The following DLG4 variants were observed in gnomAD, a reference collection of about 807,000 sequenced individuals.
DLG4 encodes disks large homolog 4.
DLG4 carries 7 observed loss-of-function variants against 93.8 expected under a neutral mutation model. That is an observed-to-expected ratio of 0.07 (90% confidence interval 0.04 to 0.14). The LOEUF is 0.14. Among genes scored for constraint, DLG4 ranks in the 10% least tolerant of loss-of-function variants. The probability of loss-of-function intolerance (pLI) is 1.00; values close to 1 mark genes in which losing one functional copy is unlikely to be tolerated. For synonymous variants in DLG4, 341 were observed against 387.6 expected (o/e 0.88, Z 1.41); for missense variants, 545 against 992.9 (o/e 0.55, Z 6.06).
intron 2 of DLG4, chr17:7,204,998 C>T: frequency 2.0e-6 from 2 of 985,670 alleles, no homozygotes; most frequent in Non-Finnish European, 2.4e-6. Flanking sequence ...TGGCCTGGGG[C>T]CGACCAAACT....
chr17:7,206,581 T>C (rs1268076779), intron 2 of DLG4, among the ~76,000 whole-genome samples: 1 of 151,990 alleles, frequency 6.6e-6, no homozygotes, highest in Non-Finnish European at 1.5e-5. Context: ...ACAAAGCATC[T>C]CTAGTCTTCT....
chr17:7,219,391 G>C (rs2071078680), upstream of DLG4: 4 of 1,013,100 alleles, frequency 3.9e-6, no homozygotes, highest in Non-Finnish European at 3.5e-6. Context: ...CAGTGAATCT[G>C]GGGGGGTCTT....
chr17:7,193,421 T>C lies in DLG4; in HGVS notation c.1693+62A>G. 1 of 1,451,194 alleles carries C rather than the reference T, an allele frequency of 6.9e-7. No homozygotes were observed. The highest frequency in any genetic ancestry group is 9.2e-7 in the Non-Finnish European group (1 of 1,087,698). 89.9% of individuals were successfully genotyped at this position (1,451,194 alleles called of 1,614,324 possible). On this transcript the variant is annotated intron_variant, in intron 16 of 19. Coordinates refer to ENST00000399506, the MANE Select transcript of DLG4 (RefSeq NM_001321075.3). This position sits in a 1 kb window ranked among gnomAD's most constrained non-coding sequence, Gnocchi z 6.7. The stretch of plus-strand genomic sequence containing the variant: ...GAGGCTCTGCCTATGGCCCCAGGGA[T>C]GGGCCTCCCCTGCCCCACCCCCACT...
rs994207461 is a variant in DLG4, at chr17:7,203,842, A to G, written c.211-26T>C. 3.7e-6 allele frequency: 6 copies of G among 1,612,160 alleles called. No homozygotes were observed. Among genetic ancestry groups the G allele is most frequent in the Non-Finnish European group, 5.1e-6 (6 of 1,179,260 alleles). ...CTGGGTGAAGGAGGGGAAGAGGGTC[A>G]GCTCCCCTCACTGCCCAAGTCTGGC... On this transcript the variant is annotated intron_variant, in intron 4 of 19. Coordinates refer to ENST00000399506, the MANE Select transcript of DLG4 (RefSeq NM_001321075.3). The surrounding 1 kb of genome is among the most constrained non-coding windows in gnomAD (Gnocchi z 7.2).
chr17:7,214,524 C>T (rs2070828772), intron 1 of DLG4, among the ~76,000 whole-genome samples: 1 of 152,202 alleles, frequency 6.6e-6, no homozygotes, highest in Non-Finnish European at 1.5e-5. Flanking sequence ...GTCGGCCACA[C>T]TGCCCCGCCC....
upstream of DLG4, chr17:7,219,451 T>C: frequency 9.7e-7 from 1 of 1,027,392 alleles, no homozygotes; most frequent in Non-Finnish European, 1.2e-6. Context: ...GGCCTACATC[T>C]CAGAAGAATA....
Position 7,195,287 on chromosome 17 carries a change from A to T in DLG4, c.1302-792T>A, listed in dbSNP as rs1032432066. ...GGGAGGAGACCCCGGGCCCCCTGGA[A>T]GTGTGACAACCAGATGACATTCCGC... is the stretch of plus-strand genomic sequence containing the variant. On this transcript the variant is annotated intron_variant, in intron 11 of 19. Transcript: ENST00000399506. This position sits in a 1 kb window ranked among gnomAD's most constrained non-coding sequence, Gnocchi z 4.3. Among the ~76,000 whole-genome samples, 1 of 152,140 alleles carries T rather than the reference A, an allele frequency of 6.6e-6. No individual in the cohort carries two copies. The highest frequency in any genetic ancestry group is 1.5e-5 in the Non-Finnish European group (1 of 68,026).
At chr17:7,213,190 C>G (rs925731020) in intron 1 of DLG4, among the ~76,000 whole-genome samples, 1 of 146,010 alleles carries the variant, frequency 6.8e-6, no homozygotes, top group East Asian at 2.0e-4. Context: ...ATCCGGCTCC[C>G]GGGTTCGAGT....
rs779318953 is a variant in DLG4, at chr17:7,190,744, G to C, written c.2139C>G (p.Gly713=). ...CTCGGGCTGGAACCCAGATGTAGGG[G>C]CCTGAGAGGTCCTCGATGACACGCT... ...KVKRVIEDLS[G]PYIWVPARER... The change falls in exon 20 of 20, where the codon GGC becomes GGG. Residue 713 remains glycine, a synonymous_variant. Transcript: ENST00000399506. 6.2e-7 allele frequency: 1 copy of C among 1,613,612 alleles called. No individual in the cohort carries two copies.
chr17:7,203,487 C>T lies in DLG4; in HGVS notation c.442G>A (p.Val148Ile), dbSNP rs1373830825. 5 of 1,613,672 alleles carry T rather than the reference C, an allele frequency of 3.1e-6. No homozygotes were observed. The highest frequency in any genetic ancestry group is 4.2e-6 in the Non-Finnish European group (5 of 1,179,626). ...TCAGCCGGGGGCTTCCGGCGCATGA[C>T]ATAGAGGCGAACGATGGAGCCTGCC... Reference protein sequence around the residue: ...KEAGSIVRLYVMRRKPPAEKV... With the variant: ...KEAGSIVRLYIMRRKPPAEKV... The change falls in exon 6 of 20, where the codon GTC becomes ATC. Residue 148 changes from valine (V) to isoleucine (I), a missense_variant. By Grantham distance (29) the Val-to-Ile change is conservative. Around this residue, in one of 5 missense-constraint regions of DLG4, gnomAD observed 30 missense variants for 36.1 expected, o/e 0.83. Transcript: ENST00000399506. This position sits in a 1 kb window ranked among gnomAD's most constrained non-coding sequence, Gnocchi z 7.2.
At chr17:7,213,041 ATAAT>A (rs773172368) in intron 1 of DLG4, among the ~76,000 whole-genome samples, 112 of 152,036 alleles carry the variant, frequency 7.4e-4, no homozygotes, top group Non-Finnish European at 1.1e-3. Context: ...TCAAAAATTA[ATAAT>A]TAATTAATTA....
chr17:7,218,673 G>A (rs1366546079), upstream of DLG4: 3 of 1,548,648 alleles, frequency 1.9e-6, no homozygotes, highest in Non-Finnish European at 2.6e-6. Context: ...GGACAGGGAA[G>A]ATGCCAACAC....
rs13331 is a variant in DLG4, at chr17:7,190,147, A to G, written c.*561T>C. Reference sequence around the variant, plus strand: ...ACCGGCAAAGAAAAATGGTGGGGGCATGTGGAAGGCAGGGGCCCGCTGCGG... The same window carrying G: ...ACCGGCAAAGAAAAATGGTGGGGGCGTGTGGAAGGCAGGGGCCCGCTGCGG... On this transcript the variant is annotated 3_prime_UTR_variant, in exon 20 of 20. Coordinates refer to ENST00000399506, the MANE Select transcript of DLG4 (RefSeq NM_001321075.3). 0.71 allele frequency: 106,190 copies of G among 149,298 alleles called. 38,526 individuals carry two copies. Among genetic ancestry groups the G allele is most frequent in the African/African-American group, 0.85 (34,095 of 40,038 alleles). 9.2% of individuals were successfully genotyped at this position (149,298 alleles called of 1,614,324 possible).
upstream of DLG4, chr17:7,219,239 G>A: frequency 2.7e-6 from 1 of 368,580 alleles, no homozygotes; most frequent in Non-Finnish European, 4.2e-6. Context: ...GGTTTTACGG[G>A]TAAGAGGCAG....
rs762285058 is a variant in DLG4, at chr17:7,194,023, C to A, written c.1479-23G>T. On this transcript the variant is annotated intron_variant, in intron 12 of 19. Coordinates refer to ENST00000399506, the MANE Select transcript of DLG4 (RefSeq NM_001321075.3). This position sits in a 1 kb window ranked among gnomAD's most constrained non-coding sequence, Gnocchi z 4.4. ...ACCCTGTGGGATACATGGAGGGATA[C>A]GCGGGTAGGGGAATGCCTACCCCCT... The A allele has an allele frequency of 6.2e-7, 1 of 1,612,354 alleles. No individual in the cohort carries two copies. Among genetic ancestry groups the A allele is most frequent in the Admixed American group, 1.7e-5 (1 of 59,804 alleles).
chr17:7,209,013 G>A (rs1008117986), intron 1 of DLG4, among the ~76,000 whole-genome samples: 1 of 152,184 alleles, frequency 6.6e-6, no homozygotes, highest in Non-Finnish European at 1.5e-5. Context: ...TATGCTATAA[G>A]GGCATGGGCT....
chr17:7,210,257 A>G (rs1188953039), intron 1 of DLG4, among the ~76,000 whole-genome samples: 1 of 152,198 alleles, frequency 6.6e-6, no homozygotes, highest in African/African-American at 2.4e-5. Flanking sequence ...GTAAGGGTAC[A>G]GTAAGAGAAT....
At chr17:7,202,827 G>A in intron 8 of DLG4, 76 bp downstream of exon 8, 3 of 1,564,750 alleles carry the variant, frequency 1.9e-6, no homozygotes, top group Non-Finnish European at 2.6e-6. Flanking sequence ...GACAGCTACA[G>A]GGATGTCGTG....
At chr17:7,219,591 T>C (rs2071085766), upstream of DLG4, 2 of 1,162,570 alleles carry the variant, frequency 1.7e-6, no homozygotes, top group South Asian at 3.8e-5. Flanking sequence ...GCCATCTACC[T>C]TACACTTCTC....
Sources: allele counts gnomAD v4.1 joint callset (sites outside exome capture counted in the v4.1 genomes callset), GRCh38; gene constraint gnomAD v4.1.1; regional missense constraint gnomAD v4.1.1; non-coding constraint Gnocchi (gnomAD v3.1); transcripts MANE v1.5; gene names NCBI Gene and HGNC (gene_info 2026-07-23, HGNC 2026-07-21).